Variants in SDK1 observed in about 807,000 individuals in gnomAD.
SDK1 encodes protein sidekick-1.
A neutral mutation model predicts 245.5 loss-of-function variants in SDK1; 157 were observed. The observed-to-expected ratio is 0.64, with a 90% confidence interval of 0.56 to 0.73. The LOEUF is 0.73. SDK1 is among the 30% of genes least tolerant of loss of function. The probability of loss-of-function intolerance (pLI) is 0.00; values close to 1 mark genes in which losing one functional copy is unlikely to be tolerated. For missense variants in SDK1, 3,583 were observed against 3,002.3 expected (o/e 1.19, Z -4.52); for synonymous variants, 1,647 against 1,278.5 (o/e 1.29, Z -6.15).
intron 32 of SDK1, among the ~76,000 whole-genome samples, chr7:4,167,016 C>T (rs1449308556): frequency 6.6e-6 from 1 of 152,184 alleles, no homozygotes. Flanking sequence ...AGGTGCCCAC[C>T]CTCCTGGGTC....
intron 2 of SDK1, among the ~76,000 whole-genome samples, chr7:3,630,374 G>A (rs902768391): frequency 3.3e-5 from 5 of 152,208 alleles, no homozygotes; most frequent in Non-Finnish European, 7.3e-5. Context: ...TTAAAAAGCT[G>A]CTGATAAGTG....
At chr7:3,375,571 T>A (rs966513500) in intron 1 of SDK1, among the ~76,000 whole-genome samples, 1 of 152,052 alleles carries the variant, frequency 6.6e-6, no homozygotes, top group Non-Finnish European at 1.5e-5. Flanking sequence ...TACAAGACAT[T>A]GTAACCTCTG....
At chr7:3,696,969 GGTA>G (rs1784592546) in intron 4 of SDK1, among the ~76,000 whole-genome samples, 1 of 151,832 alleles carries the variant, frequency 6.6e-6, no homozygotes, top group East Asian at 1.9e-4. Flanking sequence ...TTTATGGAAT[GGTA>G]GTGCGAAATA....
chr7:3,615,288 C>G (rs189926866), intron 1 of SDK1, among the ~76,000 whole-genome samples: 9 of 151,702 alleles, frequency 5.9e-5, no homozygotes, highest in African/African-American at 1.9e-4. Flanking sequence ...TGCAGTTCAG[C>G]TTTATTAGAC....
intron 35 of SDK1, among the ~76,000 whole-genome samples, chr7:4,192,636 A>G (rs935506376): frequency 7.2e-5 from 11 of 152,178 alleles, no homozygotes; most frequent in Admixed American, 2.0e-4. Flanking sequence ...TTGCACATTG[A>G]ACAGATTATG....
intron 32 of SDK1, among the ~76,000 whole-genome samples, chr7:4,166,489 C>T (rs1008095800): frequency 2.0e-5 from 3 of 152,222 alleles, no homozygotes; most frequent in Non-Finnish European, 4.4e-5. Flanking sequence ...GCTGGAGAAG[C>T]GCGTGGCCCC....
intron 17 of SDK1, among the ~76,000 whole-genome samples, chr7:4,038,511 A>T (rs1219029138): frequency 6.6e-6 from 1 of 152,202 alleles, no homozygotes; most frequent in African/African-American, 2.4e-5. Flanking sequence ...TTGATGTAAT[A>T]ATCCTCTAGA....
At chr7:4,255,554 G>A (rs1238560844) in intron 44 of SDK1, among the ~76,000 whole-genome samples, 2 of 152,160 alleles carry the variant, frequency 1.3e-5, no homozygotes, top group Non-Finnish European at 2.9e-5. Context: ...ACCATACCTG[G>A]TACAGGCTCC....
At chr7:3,522,698 G>A (rs1251103178) in intron 1 of SDK1, among the ~76,000 whole-genome samples, 1 of 152,016 alleles carries the variant, frequency 6.6e-6, no homozygotes, top group Non-Finnish European at 1.5e-5. Context: ...TTGACAAACC[G>A]GGGGACGTGC....
intron 4 of SDK1, among the ~76,000 whole-genome samples, chr7:3,761,731 A>C (rs1362896841): frequency 6.6e-6 from 1 of 152,076 alleles, no homozygotes; most frequent in African/African-American, 2.4e-5. Flanking sequence ...CAAGTACTGC[A>C]GTGACTAAGT....
chr7:4,229,177 G>C (rs1207427965), intron 40 of SDK1, among the ~76,000 whole-genome samples: 1 of 152,130 alleles, frequency 6.6e-6, no homozygotes, highest in African/African-American at 2.4e-5. Context: ...ATACAAATGA[G>C]AAAAACAATC....
At chr7:3,319,513 C>T (rs1036857012) in intron 1 of SDK1, among the ~76,000 whole-genome samples, 1 of 152,180 alleles carries the variant, frequency 6.6e-6, no homozygotes, top group Non-Finnish European at 1.5e-5. Flanking sequence ...ATTATCTCCT[C>T]AAGAGTACAT....
intron 5 of SDK1, among the ~76,000 whole-genome samples, chr7:3,851,758 C>G (rs574401969): frequency 6.6e-6 from 1 of 152,084 alleles, no homozygotes; most frequent in African/African-American, 2.4e-5. Context: ...CCAGAAGAAA[C>G]GGCCTTTGGA....
intron 1 of SDK1, among the ~76,000 whole-genome samples, chr7:3,579,903 G>T (rs1328678581): frequency 1.3e-5 from 2 of 152,094 alleles, no homozygotes; most frequent in Non-Finnish European, 2.9e-5. Context: ...TCATCATCTT[G>T]GCCCAAAGTG....
intron 1 of SDK1, among the ~76,000 whole-genome samples, chr7:3,390,973 C>A (rs577682091): frequency 6.6e-6 from 1 of 152,172 alleles, no homozygotes; most frequent in African/African-American, 2.4e-5. Flanking sequence ...AAATGTCACT[C>A]TTCCACAGAG....
In SDK1 at chr7:4,110,761, C is replaced by T; in HGVS notation, c.3423C>T (p.Tyr1141=). The change falls in exon 23 of 45, where the codon TAC becomes TAT. Residue 1141 remains tyrosine (Y), a synonymous_variant. Transcript: ENST00000404826. ...TGGAGATCCCAAACCTCACACCCTA[C>T]ACTCACTACAGGTGAGAACAGCAGT... ...QMLEIPNLTP[Y]THYRFRMKQV... 6.2e-7 allele frequency: 1 copy of T among 1,609,356 alleles called. No individual in the cohort carries two copies. The highest frequency in any genetic ancestry group is 1.7e-5 in the Admixed American group (1 of 60,016).
intron 4 of SDK1, among the ~76,000 whole-genome samples, chr7:3,692,877 C>G (rs1184965809): frequency 6.6e-6 from 1 of 151,944 alleles, no homozygotes; most frequent in African/African-American, 2.4e-5. Flanking sequence ...CTGGCAAATA[C>G]ATTTCTATTT....
chr7:3,848,233 GA>G (rs1266752086), intron 5 of SDK1, among the ~76,000 whole-genome samples: 1 of 152,200 alleles, frequency 6.6e-6, no homozygotes, highest in African/African-American at 2.4e-5. Context: ...CTCTTAACGA[GA>G]TGGATTCAGG....
At chr7:3,845,848 G>A (rs1352259611) in intron 5 of SDK1, among the ~76,000 whole-genome samples, 1 of 152,146 alleles carries the variant, frequency 6.6e-6, no homozygotes, top group Non-Finnish European at 1.5e-5. Context: ...CATTTAGAAA[G>A]CGGATGAATT....
Sources: allele counts gnomAD v4.1 joint callset (sites outside exome capture counted in the v4.1 genomes callset), GRCh38; gene constraint gnomAD v4.1.1; transcripts MANE v1.5; gene names NCBI Gene and HGNC (gene_info 2026-07-23, HGNC 2026-07-21).